Variants in CYBC1 observed in about 807,000 individuals in gnomAD.
CYBC1 encodes the protein essential for reactive oxygen species protein.
A neutral mutation model predicts 21.7 loss-of-function variants in CYBC1; 22 were observed. The observed-to-expected ratio is 1.02, with a 90% CI of 0.73 to 1.45. The LOEUF is 1.45. Ranked by LOEUF, CYBC1 falls within the 40% of genes most tolerant of loss-of-function variation. CYBC1 has a pLI of 0.00. For missense variants in CYBC1, 237 were observed against 242.1 expected (o/e 0.98, Z 0.14); for synonymous variants, 112 against 98.7 (o/e 1.13, Z -0.80).
rs767970541 is a variant in CYBC1, at chr17:82,446,686, G to A, written c.138C>T (p.Gly46=). The A allele has an allele frequency of 1.2e-6, 2 of 1,613,988 alleles. No homozygotes were observed. Among genetic ancestry groups the A allele is most frequent in the Non-Finnish European group, 1.7e-6 (2 of 1,179,996 alleles). Residue 46 remains glycine, a synonymous_variant, in exon 4 of 7, where the codon GGC becomes GGT. Transcript: ENST00000306645. The part of the protein sequence containing the change: ...AAAYYSGDSL[G]WKLFYVTGCL... Reference sequence around the variant, plus strand: ...AGCCTGTGACGTAGAAGAGCTTCCAGCCCAGGCTATCTGGAGATGGGCATA... The same window carrying A: ...AGCCTGTGACGTAGAAGAGCTTCCAACCCAGGCTATCTGGAGATGGGCATA...
chr17:82,447,070 G>A, intron 3 of CYBC1: 1 of 340,720 alleles, frequency 2.9e-6, no homozygotes, highest in East Asian at 6.9e-5. Context: ...GAAGTGAAAT[G>A]TGGCCGGGCG....
At position 82,444,475 on chromosome 17, in the gene CYBC1, T is replaced by C. The variant is rs767023192; in HGVS notation, c.415A>G (p.Thr139Ala). 31 of 1,613,250 alleles carry C rather than the reference T, an allele frequency of 1.9e-5. No homozygotes were observed. Among genetic ancestry groups the C allele is most frequent in the African/African-American group, 2.7e-5 (2 of 74,924 alleles). ...CGGTGGCCCATGACTGCACTCTGCGTGAGGGGGTGGGAGAAGCCCGTCGCA... is the reference window on the plus strand; with the variant it reads ...CGGTGGCCCATGACTGCACTCTGCGCGAGGGGGTGGGAGAAGCCCGTCGCA... ...RLATGFSHPL[T>A]QSAVMGHRSD... Residue 139 changes from threonine (T) to alanine (A), a missense_variant, in exon 6 of 7, where the codon ACG becomes GCG. Physicochemically the swap from Thr to Ala is moderately conservative, Grantham distance 58. Transcript: ENST00000306645.
At position 82,449,280 on chromosome 17, in the gene CYBC1, C is replaced by T. The variant is rs2054461805; in HGVS notation, c.-26G>A. On this transcript the variant is annotated 5_prime_UTR_variant, in exon 2 of 7. Transcript: ENST00000306645. ...CCCGAGAGGGCAGCACCACTCTCTA[C>T]AGGAGGAGGGGTCTGGGAACAGACA... 1 of 1,515,328 alleles carries T rather than the reference C, an allele frequency of 6.6e-7. No homozygotes were observed. The highest frequency in any genetic ancestry group is 8.9e-7 in the Non-Finnish European group (1 of 1,129,012). 93.9% of individuals were successfully genotyped at this position (1,515,328 alleles called of 1,614,324 possible).
chr17:82,445,512 G>T (rs547540820), intron 5 of CYBC1: 17 of 189,778 alleles, frequency 9.0e-5, no homozygotes, highest in Admixed American at 4.5e-4. Flanking sequence ...AGGCAGACGG[G>T]AGAATGCAGC....
chr17:82,445,812 G>T, intron 5 of CYBC1, 52 bp downstream of exon 5: 1 of 1,418,524 alleles, frequency 7.0e-7, no homozygotes, highest in Non-Finnish European at 9.7e-7. Flanking sequence ...AGACGCCCAA[G>T]TGCGCCGCCT....
At chr17:82,447,650 T>C in intron 2 of CYBC1, 29 bp from the exon 3 acceptor site, 5 of 1,574,646 alleles carry the variant, frequency 3.2e-6, no homozygotes, top group Admixed American at 1.9e-5. Context: ...TGCCTGCCTA[T>C]TGATCCCGGT....
chr17:82,444,664 G>C (rs918512765), intron 5 of CYBC1, 73 bp from the exon 6 acceptor site: 2 of 1,507,620 alleles, frequency 1.3e-6, no homozygotes, highest in African/African-American at 2.8e-5. Flanking sequence ...CAGCGCCACT[G>C]GCATCATCGA....
In CYBC1 at chr17:82,444,604, G is replaced by C. The variant is rs774825043; in HGVS notation, c.299-13C>G. On this transcript the variant is annotated splice_polypyrimidine_tract_variant and intron_variant, in intron 5 of 6. Coordinates refer to ENST00000306645, the MANE Select transcript of CYBC1 (RefSeq NM_001033046.4). ...AGCAGGACCACCACTGCGGGGAGACGGTCAGTGGCCGAGCCATCCCCGCCC... is the reference window on the plus strand; with the variant it reads ...AGCAGGACCACCACTGCGGGGAGACCGTCAGTGGCCGAGCCATCCCCGCCC... 3.1e-6 allele frequency: 5 copies of C among 1,589,590 alleles called. No homozygotes were observed. The Admixed American group carries it at 8.5e-5, about 27-fold the overall frequency.
chr17:82,446,959 G>A (rs1435587715), intron 3 of CYBC1: 4 of 552,986 alleles, frequency 7.2e-6, no homozygotes, highest in Non-Finnish European at 6.5e-6. Context: ...CCCAGTGATT[G>A]TGGCAGGGTG....
At chr17:82,447,668 C>A in intron 2 of CYBC1, 47 bp from the exon 3 acceptor site, 1 of 1,542,722 alleles carries the variant, frequency 6.5e-7, no homozygotes, top group East Asian at 2.3e-5. Flanking sequence ...GGTAAGACCC[C>A]ACCTCCCTGG....
rs544233848 is a variant in CYBC1, at chr17:82,444,679, G to A, written c.299-88C>T. ...CAGCGCCACTGGCATCATCGAAAGC[G>A]ACAGCCACACTTGGTTGGCAGCAAA... is the stretch of plus-strand genomic sequence containing the variant. On this transcript the variant is annotated intron_variant, in intron 5 of 6. Coordinates refer to ENST00000306645, the MANE Select transcript of CYBC1 (RefSeq NM_001033046.4). The A allele has an allele frequency of 1.6e-4, 234 of 1,470,712 alleles. 2 individuals are homozygous for A. In the African/African-American group the frequency reaches 2.6e-3, roughly 16 times the overall value. 91.1% of individuals were successfully genotyped at this position (1,470,712 alleles called of 1,614,324 possible).
At position 82,444,074 on chromosome 17, in the gene CYBC1, C is replaced by A. The variant is rs745639361; in HGVS notation, c.494G>T (p.Cys165Phe). 2 of 1,613,382 alleles carry A rather than the reference C, an allele frequency of 1.2e-6. No individual in the cohort carries two copies. The highest frequency in any genetic ancestry group is 2.2e-5 in the East Asian group (1 of 44,882). Residue 165 changes from cysteine (C) to phenylalanine (F), a missense_variant, in exon 7 of 7, where the codon TGC (cysteine) becomes TTC (phenylalanine). Transcript: ENST00000306645. ...AGACAGCTCTGTGGGGCTCTCAAGG[C>A]AGTGCAGCTCCAGGAAGCTGGTGAT... is the stretch of plus-strand genomic sequence containing the variant. ...KLITSFLELH[C>F]LESPTELSQS...
intron 3 of CYBC1, chr17:82,447,230 G>A (rs2143734280): frequency 2.7e-6 from 1 of 374,372 alleles, no homozygotes; most frequent in Non-Finnish European, 4.9e-6. Context: ...GCGGGCGCCT[G>A]TAGTCCCAGC....
intron 4 of CYBC1, 38 bp downstream of exon 4, chr17:82,446,585 C>T: frequency 6.2e-7 from 1 of 1,603,062 alleles, no homozygotes. Context: ...AGGAGCTGAA[C>T]AGCCCTGGAC....
At chr17:82,444,362 G>A in intron 6 of CYBC1, 85 bp downstream of exon 6, 2 of 1,522,624 alleles carry the variant, frequency 1.3e-6, no homozygotes, top group Non-Finnish European at 1.8e-6. Flanking sequence ...TCCTCTCCCA[G>A]CTGCCCCATA....
rs1229026076 is a variant in CYBC1 at position 82,447,553 on chromosome 17, G to C, written c.127+27C>G. 8.4e-6 allele frequency: 13 copies of C among 1,554,994 alleles called. 1 individual carries two copies. In the South Asian group the frequency reaches 1.5e-4, roughly 18 times the overall value. On this transcript the variant is annotated intron_variant, in intron 3 of 6. Coordinates refer to ENST00000306645, the MANE Select transcript of CYBC1 (RefSeq NM_001033046.4). The stretch of plus-strand genomic sequence containing the variant: ...TTTTCCAAACAGCTGAGACAGTCAT[G>C]GGGGGGTGGGGCGGGGGGTGCTTTA...
In CYBC1 at chr17:82,450,735, A is replaced by C. The variant is rs1343158101; in HGVS notation, c.-74T>G. 1 of 151,944 alleles carries C rather than the reference A, an allele frequency of 6.6e-6. No individual in the cohort carries two copies. Among genetic ancestry groups the C allele is most frequent in the Non-Finnish European group, 1.5e-5 (1 of 67,988 alleles). The allele number at this position is 151,944 out of a possible 1,614,324, so 9.4% of individuals were successfully genotyped here. On this transcript the variant is annotated 5_prime_UTR_variant, in exon 1 of 7. Coordinates refer to ENST00000306645, the MANE Select transcript of CYBC1 (RefSeq NM_001033046.4). ...GCGGTCCCCGCGCCGCAGCAGAGAG[A>C]CGCGAACCGGCGGGGGCGGGGCCGC...
In CYBC1 at chr17:82,446,918, G is replaced by C. The variant is rs1053122702; in HGVS notation, c.128-222C>G. 4.6e-5 allele frequency: 27 copies of C among 587,702 alleles called. No homozygotes were observed. In the Admixed American group the frequency reaches 7.9e-4, roughly 17 times the overall value. 36.4% of individuals were successfully genotyped at this position (587,702 alleles called of 1,614,324 possible). A position where few individuals can be genotyped will look rare whatever the true frequency, so the allele number is the denominator to read the frequency against. The stretch of plus-strand genomic sequence containing the variant: ...GAGTCCACGTGAGAGAGGCAGGTGG[G>C]GCGCACAGGGCCTCTGCCCGTCTGG... On this transcript the variant is annotated intron_variant, in intron 3 of 6. Coordinates refer to ENST00000306645, the MANE Select transcript of CYBC1 (RefSeq NM_001033046.4).
At chr17:82,447,457 G>C (rs2054376007) in intron 3 of CYBC1, 123 bp downstream of exon 3, 2 of 814,434 alleles carry the variant, frequency 2.5e-6, no homozygotes, top group South Asian at 1.4e-5. Context: ...AGCAATCAAG[G>C]GGCAGAGGTG....
Sources: allele counts gnomAD v4.1 joint callset, GRCh38; gene constraint gnomAD v4.1.1; transcripts MANE v1.5; gene names NCBI Gene and HGNC (gene_info 2026-07-23, HGNC 2026-07-21).